The following SOX5 variants were observed in gnomAD, a reference collection of about 807,000 sequenced individuals.
SOX5 encodes transcription factor SOX-5.
Under a neutral mutation model 92.0 loss-of-function variants are expected in SOX5, and 9 were observed. That is an observed-to-expected ratio of 0.10 (90% confidence interval 0.06 to 0.17). The LOEUF (loss-of-function observed/expected upper bound fraction) is 0.17, where lower values mean the gene tolerates loss of function less well. SOX5 is among the 10% of genes least tolerant of loss of function. SOX5 has a pLI of 1.00. For missense variants in SOX5, 642 were observed against 944.5 expected (o/e 0.68, Z 4.20); for synonymous variants, 344 against 336.3 (o/e 1.02, Z -0.25).
At chr12:24,148,715 AAGAAG>A (rs1951355564) in intron 4 of SOX5, among the ~76,000 whole-genome samples, 1 of 51,132 alleles carries the variant, frequency 2.0e-5, no homozygotes, top group African/African-American at 6.3e-5. Context: ...AAAAAAAAAA[AAGAAG>A]AAAGAAAGAA....
chr12:24,215,394 T>G (rs536031893), intron 3 of SOX5, among the ~76,000 whole-genome samples: 6 of 152,190 alleles, frequency 3.9e-5, no homozygotes, highest in Admixed American at 2.6e-4. Flanking sequence ...AAAGAACAAG[T>G]TCAGTAAGGT....
At chr12:23,705,382 A>C (rs775731549) in intron 6 of SOX5, among the ~76,000 whole-genome samples, 7 of 151,974 alleles carry the variant, frequency 4.6e-5, no homozygotes, top group Non-Finnish European at 8.8e-5. Context: ...GTGATCCATA[A>C]AGTGTTTGAA....
At chr12:24,107,764 G>C (rs950793220) in intron 4 of SOX5, among the ~76,000 whole-genome samples, 2 of 152,138 alleles carry the variant, frequency 1.3e-5, no homozygotes, top group African/African-American at 4.8e-5. Flanking sequence ...TGTTGATGCC[G>C]GGCTTAAAGA....
intron 3 of SOX5, among the ~76,000 whole-genome samples, chr12:23,802,979 A>G (rs2142201377): frequency 6.6e-6 from 1 of 152,254 alleles, no homozygotes; most frequent in East Asian, 1.9e-4. Flanking sequence ...TCCTAAAACT[A>G]CATTCAATCT....
At chr12:23,693,049 T>C (rs1197986834) in intron 6 of SOX5, among the ~76,000 whole-genome samples, 2 of 152,222 alleles carry the variant, frequency 1.3e-5, no homozygotes, top group Non-Finnish European at 2.9e-5. Flanking sequence ...TCAAGCTTTC[T>C]ATTTCCTTGT....
At chr12:24,019,548 A>C (rs1241748860) in intron 4 of SOX5, among the ~76,000 whole-genome samples, 1 of 152,226 alleles carries the variant, frequency 6.6e-6, no homozygotes, top group East Asian at 1.9e-4. Flanking sequence ...ATGGTCATAG[A>C]GCAAGCAAAC....
In SOX5 at chr12:23,819,535, G is replaced by A. The variant is rs1025461400; in HGVS notation, c.481+26448C>T. Among the ~76,000 whole-genome samples, 9 of 151,994 alleles carry A rather than the reference G, an allele frequency of 5.9e-5. No individual in the cohort carries two copies. The East Asian group carries it at 1.2e-3, about 20-fold the overall frequency. On this transcript the variant is annotated intron_variant, in intron 3 of 14. Coordinates refer to ENST00000451604, the MANE Select transcript of SOX5 (RefSeq NM_006940.6). ...GGTGGTTTGCTGCACCCATCAGCCC[G>A]TGATCTACATTAGGTATTTCTCCTA...
chr12:24,558,502 T>C (rs1215460254), intron 1 of SOX5, among the ~76,000 whole-genome samples: 1 of 152,120 alleles, frequency 6.6e-6, no homozygotes, highest in Non-Finnish European at 1.5e-5. Context: ...TAAAACAAAC[T>C]AAAAGTGCCT....
intron 2 of SOX5, among the ~76,000 whole-genome samples, chr12:24,348,319 G>T (rs1422049254): frequency 6.6e-6 from 1 of 151,772 alleles, no homozygotes; most frequent in African/African-American, 2.4e-5. Flanking sequence ...CGCCTACCTT[G>T]CTTCAAGCTC....
chr12:24,495,307 T>A (rs897486339), intron 1 of SOX5, among the ~76,000 whole-genome samples: 4 of 152,238 alleles, frequency 2.6e-5, no homozygotes, highest in African/African-American at 9.6e-5. Flanking sequence ...CTTAATCTAA[T>A]CAAAGAGAAC....
intron 1 of SOX5, among the ~76,000 whole-genome samples, chr12:24,424,804 T>A (rs1966467572): frequency 8.4e-6 from 1 of 118,682 alleles, no homozygotes; most frequent in Non-Finnish European, 1.7e-5. Context: ...GTGAGTTTTT[T>A]TTTTGGGGGG....
intron 3 of SOX5, chr12:24,227,700 A>T (rs1235298324): frequency 6.6e-6 from 1 of 152,196 alleles, no homozygotes; most frequent in Non-Finnish European, 1.5e-5. Context: ...TCATCTAATT[A>T]TCACATACAG....
chr12:24,370,476 C>CCAAAAAAA (rs372358564), intron 1 of SOX5, among the ~76,000 whole-genome samples: 8 of 79,728 alleles, frequency 1.0e-4, no homozygotes, highest in African/African-American at 3.0e-4. Flanking sequence ...GACTCCGTCT[C>CCAAAAAAA]AAAAAAAAAA....
chr12:24,323,718 G>T (rs1275168132), intron 2 of SOX5, among the ~76,000 whole-genome samples: 2 of 152,048 alleles, frequency 1.3e-5, no homozygotes, highest in Non-Finnish European at 2.9e-5. Flanking sequence ...GGGTAAAAAG[G>T]CCACAAGCCC....
At chr12:24,207,720 C>T (rs936340575) in intron 4 of SOX5, among the ~76,000 whole-genome samples, 8 of 152,130 alleles carry the variant, frequency 5.3e-5, no homozygotes, top group African/African-American at 1.4e-4. Context: ...CTATTCCATG[C>T]GATCTTCAAA....
At chr12:23,925,354 T>C (rs1772627255) in intron 1 of SOX5, among the ~76,000 whole-genome samples, 1 of 152,112 alleles carries the variant, frequency 6.6e-6, no homozygotes, top group Admixed American at 6.6e-5. Context: ...TTTTAATATG[T>C]CACTAATATC....
intron 7 of SOX5, among the ~76,000 whole-genome samples, chr12:23,648,545 T>C (rs1011796829): frequency 6.6e-6 from 1 of 152,178 alleles, no homozygotes; most frequent in Non-Finnish European, 1.5e-5. Flanking sequence ...CTGGTGTTCT[T>C]ATAAGCAGAA....
intron 3 of SOX5, among the ~76,000 whole-genome samples, chr12:24,226,294 C>G (rs1961957286): frequency 6.6e-6 from 1 of 152,052 alleles, no homozygotes; most frequent in Non-Finnish European, 1.5e-5. Context: ...CTTATACTTC[C>G]TGTATTATTG....
intron 8 of SOX5, among the ~76,000 whole-genome samples, chr12:23,608,684 C>T (rs1461739438): frequency 6.6e-6 from 1 of 152,000 alleles, no homozygotes; most frequent in African/African-American, 2.4e-5. Flanking sequence ...AGCCACAGTT[C>T]CTTAATATGT....
Sources: gnomAD v4.1 joint callset for allele counts (sites outside exome capture counted in the v4.1 genomes callset) on GRCh38, gnomAD v4.1.1 for gene constraint, MANE v1.5 for transcripts, NCBI Gene and HGNC (gene_info 2026-07-23, HGNC 2026-07-21) for gene names.